DNA2: variants seen among roughly 807,000 people sequenced by gnomAD.
The protein encoded by DNA2 is DNA replication ATP-dependent helicase/nuclease DNA2.
DNA2 carries 101 observed loss-of-function variants against 119.1 expected under a neutral mutation model. The ratio of observed to expected loss-of-function variants is 0.85; its 90% confidence interval spans 0.72 to 1.00. The LOEUF (loss-of-function observed/expected upper bound fraction) is 1.00. Ranked by LOEUF, DNA2 falls within the 50% of genes least tolerant of loss-of-function variation. The probability of loss-of-function intolerance (pLI) is 0.00; values close to 1 mark genes in which losing one functional copy is unlikely to be tolerated. For synonymous variants in DNA2, 366 were observed against 424.4 expected, an observed-to-expected ratio of 0.86 and a Z score of 1.69; for missense variants, 1,121 against 1,255.5, an observed-to-expected ratio of 0.89 and a Z score of 1.62.
chr10:68,432,380 T>G lies in DNA2; in HGVS notation c.1763+14A>C, dbSNP rs544079864. ...AAAGTGGAGTGAAATTCAAATTTGCTCATTGTTACAAACCTGACAAACGTG... is the reference window on the plus strand; with the variant it reads ...AAAGTGGAGTGAAATTCAAATTTGCGCATTGTTACAAACCTGACAAACGTG... On this transcript the variant is annotated intron_variant, in intron 11 of 20. Coordinates refer to ENST00000358410, the MANE Select transcript of DNA2 (RefSeq NM_001080449.3). 59 of 1,572,684 alleles carry G rather than the reference T, an allele frequency of 3.8e-5. No individual in the cohort carries two copies. The East Asian group carries it at 1.3e-3, about 33-fold the overall frequency.
intron 5 of DNA2, among the ~76,000 whole-genome samples, chr10:68,453,283 C>A (rs1359400711): frequency 6.6e-6 from 1 of 152,140 alleles, no homozygotes; most frequent in Non-Finnish European, 1.5e-5. Context: ...TATGTAACCA[C>A]CTTTTCTAAA....
In DNA2 at chr10:68,422,083, G is replaced by A; in HGVS notation, c.2697+142C>T. 5 of 645,438 alleles carry A rather than the reference G, an allele frequency of 7.7e-6. 1 individual carries two copies. In the South Asian group the frequency reaches 1.1e-4, roughly 14 times the overall value. The allele number at this position is 645,438 out of a possible 1,614,324, so 40.0% of individuals were successfully genotyped here. On this transcript the variant is annotated intron_variant, in intron 17 of 20. Coordinates refer to ENST00000358410, the MANE Select transcript of DNA2 (RefSeq NM_001080449.3). ...CCGCCTTGGCCTCGCAAAGTGCTGGGATTACAGGTGTGAGCCACCACGCCC... is the reference window on the plus strand; with the variant it reads ...CCGCCTTGGCCTCGCAAAGTGCTGGAATTACAGGTGTGAGCCACCACGCCC...
intron 2 of DNA2, among the ~76,000 whole-genome samples, chr10:68,468,922 C>T (rs906498938): frequency 6.6e-6 from 1 of 151,986 alleles, no homozygotes; most frequent in Non-Finnish European, 1.5e-5. Flanking sequence ...TGGTGGCGGA[C>T]GCCTGTAATC....
rs1564901014 is a variant in DNA2, at chr10:68,471,782, T to C, written c.74+9A>G. 1 of 1,593,024 alleles carries C rather than the reference T, an allele frequency of 6.3e-7. No individual in the cohort carries two copies. The highest frequency in any genetic ancestry group is 1.8e-5 in the Admixed American group (1 of 56,042). On this transcript the variant is annotated intron_variant, in intron 1 of 20. Coordinates refer to ENST00000358410, the MANE Select transcript of DNA2 (RefSeq NM_001080449.3). The stretch of plus-strand genomic sequence containing the variant: ...CTTTGTTCCCACACCCTCCCCCCTC[T>C]CCGCTCACAGCTCCGCCGGCAGCTC...
rs1434664791 is a variant in DNA2, at chr10:68,459,193, T to C, written c.630A>G (p.Val210=). 1.9e-6 allele frequency: 3 copies of C among 1,570,090 alleles called. No homozygotes were observed. The highest frequency in any genetic ancestry group is 3.8e-5 in the Admixed American group (2 of 52,892). ...TACAAAACGAAGGAAGATAGTCCTC[T>C]ACTTCTTGTTTTATTTCATCTTGAC... The part of the protein sequence containing the change: ...NLSQDEIKQE[V]EDYLPSFCKW... The change falls in exon 5 of 21, where the codon GTA becomes GTG. Residue 210 remains valine, a synonymous_variant. Coordinates refer to ENST00000358410, the MANE Select transcript of DNA2 (RefSeq NM_001080449.3).
At chr10:68,462,765 T>C (rs1441670488) in intron 4 of DNA2, among the ~76,000 whole-genome samples, 4 of 152,326 alleles carry the variant, frequency 2.6e-5, no homozygotes, top group East Asian at 1.9e-4. Flanking sequence ...AGATAATAAC[T>C]ACCTTACAGT....
chr10:68,415,060 CA>C lies in DNA2; in HGVS notation c.3161del (p.Leu1054TrpfsTer52), dbSNP rs1214955982. 6.3e-7 allele frequency: 1 copy of C among 1,580,220 alleles called. No homozygotes were observed. Among genetic ancestry groups the C allele is most frequent in the Non-Finnish European group, 8.6e-7 (1 of 1,161,002 alleles). On this transcript the variant is annotated frameshift_variant, in exon 21 of 21. Coordinates refer to ENST00000358410, the MANE Select transcript of DNA2 (RefSeq NM_001080449.3). LOFTEE classifies it high-confidence loss of function. The stretch of plus-strand genomic sequence containing the variant: ...TGTTTTATTCTCTTTGAAAGTCACC[CA>C]ATATGTGGCAAAGACTTTCATGTTC... ...SREHESLCHI[L>X]GDFQRE
chr10:68,437,288 G>A lies in DNA2; in HGVS notation c.1416-47C>T, dbSNP rs78920326. The A allele has an allele frequency of 4.2e-4, 598 of 1,433,106 alleles. 5 individuals carry two copies. The African/African-American group carries it at 6.6e-3, about 16-fold the overall frequency. The allele number at this position is 1,433,106 out of a possible 1,614,324, so 88.8% of individuals were successfully genotyped here. A position where few individuals can be genotyped will look rare whatever the true frequency, so the allele number is the denominator to read the frequency against. Reference sequence around the variant, plus strand: ...AAAAACTTCTGTTTATATTACATACGTAAGTATTGTGTCTGCATTTTCCTA... The same window carrying A: ...AAAAACTTCTGTTTATATTACATACATAAGTATTGTGTCTGCATTTTCCTA... On this transcript the variant is annotated intron_variant, in intron 9 of 20. Coordinates refer to ENST00000358410, the MANE Select transcript of DNA2 (RefSeq NM_001080449.3).
intron 19 of DNA2, among the ~76,000 whole-genome samples, chr10:68,418,023 T>C (rs1239398907): frequency 6.6e-6 from 1 of 152,216 alleles, no homozygotes; most frequent in Non-Finnish European, 1.5e-5. Context: ...TGGTTAATCA[T>C]GAATACAGAG....
intron 17 of DNA2, among the ~76,000 whole-genome samples, chr10:68,420,576 G>A (rs775698124): frequency 1.3e-5 from 2 of 151,646 alleles, no homozygotes; most frequent in Non-Finnish European, 2.9e-5. Flanking sequence ...TCGTATATCT[G>A]TGCTCTTTCC....
At chr10:68,454,762 C>A (rs1461117211) in intron 5 of DNA2, among the ~76,000 whole-genome samples, 2 of 151,384 alleles carry the variant, frequency 1.3e-5, no homozygotes, top group African/African-American at 2.4e-5. Context: ...GCCGAGATTG[C>A]GCCACTGCAC....
In DNA2 at chr10:68,431,445, C is replaced by T. The variant is rs182054532; in HGVS notation, c.1983+417G>A. Among the ~76,000 whole-genome samples, 8 of 152,052 alleles carry T rather than the reference C, an allele frequency of 5.3e-5. No homozygotes were observed. The East Asian group carries it at 9.7e-4, about 18-fold the overall frequency. On this transcript the variant is annotated intron_variant, in intron 13 of 20. Coordinates refer to ENST00000358410, the MANE Select transcript of DNA2 (RefSeq NM_001080449.3). ...GATTATAGGCGCATGCCACTACGCCCGGCTAATTTTTGTATTTTTAGTAGA... is the reference window on the plus strand; with the variant it reads ...GATTATAGGCGCATGCCACTACGCCTGGCTAATTTTTGTATTTTTAGTAGA...
chr10:68,430,315 C>T (rs1157833508), intron 14 of DNA2, 121 bp downstream of exon 14: 2 of 692,294 alleles, frequency 2.9e-6, no homozygotes, highest in East Asian at 2.7e-5. Context: ...TCGTATAGTA[C>T]ATATAAATTA....
chr10:68,452,713 AG>A (rs2052135136), intron 5 of DNA2, among the ~76,000 whole-genome samples: 1 of 148,966 alleles, frequency 6.7e-6, no homozygotes. Flanking sequence ...CTGAAACTAC[AG>A]GCATCTGCCA....
intron 17 of DNA2, 106 bp downstream of exon 17, chr10:68,422,119 T>C: frequency 1.1e-6 from 1 of 922,404 alleles, no homozygotes; most frequent in Non-Finnish European, 1.6e-6. Context: ...AGCCTAGTTT[T>C]GCCTTTTAAC....
At position 68,444,948 on chromosome 10, in the gene DNA2, T is replaced by C; in HGVS notation, c.1193A>G (p.Gln398Arg). ...EEEKTCKYCS[Q>R]IGNCALYSRA... is the part of the protein sequence containing the mutation. The stretch of plus-strand genomic sequence containing the variant: ...GCTATAAAGAGCACAATTGCCAATT[T>C]GTGAACAATATTTACAAGTTTTCTC... The change falls in exon 8 of 21, where the codon CAA becomes CGA. Residue 398 changes from glutamine (Q) to arginine (R), a missense_variant. Transcript: ENST00000358410. 3.1e-6 allele frequency: 5 copies of C among 1,613,666 alleles called. No homozygotes were observed. The highest frequency in any genetic ancestry group is 4.2e-6 in the Non-Finnish European group (5 of 1,179,758).
Position 68,444,844 on chromosome 10 carries a change from T to C in DNA2, c.1220+77A>G. The stretch of plus-strand genomic sequence containing the variant: ...ACTAAAATGATGTTATCAATGCCCG[T>C]CTGGCCACCAGTGTTAAACGTATTT... On this transcript the variant is annotated intron_variant, in intron 8 of 20. Transcript: ENST00000358410. 4.8e-6 allele frequency: 5 copies of C among 1,033,130 alleles called. No individual in the cohort carries two copies. The South Asian group carries it at 6.6e-5, about 14-fold the overall frequency. 64.0% of individuals were successfully genotyped at this position (1,033,130 alleles called of 1,614,324 possible).
At position 68,464,459 on chromosome 10, in the gene DNA2, G is replaced by A. The variant is rs928915035; in HGVS notation, c.587+1208C>T. On this transcript the variant is annotated intron_variant, in intron 4 of 20. Coordinates refer to ENST00000358410, the MANE Select transcript of DNA2 (RefSeq NM_001080449.3). ...GAACCCGGGAGGTAGAGGCTGCAAT[G>A]AGCCAAGAGCAAGCCACCGCACTCC... Among the ~76,000 whole-genome samples the A allele has an allele frequency of 2.6e-5, 4 of 151,644 alleles. No homozygotes were observed. The East Asian group carries it at 7.7e-4, about 29-fold the overall frequency.
In DNA2 at chr10:68,442,971, G is replaced by A. The variant is rs773154182; in HGVS notation, c.1361C>T (p.Ser454Leu). ...WCLMLTLESQ[S>L]KDNKKNHQNI... ...TTGGTGATTCTTTTTATTATCCTTC[G>A]ATTGTGACTCCAGGGTTAACATTAG... is the stretch of plus-strand genomic sequence containing the variant. Residue 454 changes from serine to leucine, a missense_variant, in exon 9 of 21, where the codon TCG becomes TTG. Physicochemically the swap from Ser to Leu is moderately radical, Grantham distance 145. Coordinates refer to ENST00000358410, the MANE Select transcript of DNA2 (RefSeq NM_001080449.3). The A allele has an allele frequency of 5.6e-6, 9 of 1,612,404 alleles. No homozygotes were observed. Among genetic ancestry groups the A allele is most frequent in the Admixed American group, 1.7e-5 (1 of 59,692 alleles).
Sources: allele counts gnomAD v4.1 joint callset (sites outside exome capture counted in the v4.1 genomes callset), GRCh38; gene constraint gnomAD v4.1.1; transcripts MANE v1.5; gene names NCBI Gene and HGNC (gene_info 2026-07-23, HGNC 2026-07-21).